DNAAF1: variants seen among roughly 807,000 people sequenced by gnomAD.
DNAAF1 encodes the protein dynein assembly factor 1, axonemal.
A neutral mutation model predicts 71.1 loss-of-function variants in DNAAF1; 65 were observed. The observed-to-expected ratio is 0.91, with a 90% CI of 0.75 to 1.12. The LOEUF (loss-of-function observed/expected upper bound fraction) is 1.12. Among genes scored for constraint, DNAAF1 ranks in the 50% most tolerant of loss-of-function variants. The pLI, the probability that DNAAF1 is intolerant of heterozygous loss-of-function variation, is 0.00. For synonymous variants in DNAAF1, 414 were observed against 354.6 expected (o/e 1.17, Z -1.88); for missense variants, 1,178 against 899.8 (o/e 1.31, Z -3.96).
chr16:84,163,201 A>G (rs953375380), intron 6 of DNAAF1, among the ~76,000 whole-genome samples: 4 of 152,108 alleles, frequency 2.6e-5, no homozygotes, highest in Admixed American at 2.6e-4. Flanking sequence ...TGTATCTAGG[A>G]GTGAAATTTC....
intron 3 of DNAAF1, among the ~76,000 whole-genome samples, chr16:84,152,037 G>A (rs2087209807): frequency 6.6e-6 from 1 of 152,242 alleles, no homozygotes; most frequent in Non-Finnish European, 1.5e-5. Context: ...AGCCTGAGGA[G>A]GAAGCTGGGA....
At chr16:84,161,894 T>C (rs1213896369) in intron 6 of DNAAF1, among the ~76,000 whole-genome samples, 3 of 152,158 alleles carry the variant, frequency 2.0e-5, no homozygotes, top group Admixed American at 6.6e-5. Context: ...GTTTAGGGTC[T>C]GTCTTCCCCG....
At chr16:84,157,565 T>G (rs1225542776) in intron 5 of DNAAF1, among the ~76,000 whole-genome samples, 2 of 151,928 alleles carry the variant, frequency 1.3e-5, no homozygotes, top group African/African-American at 4.8e-5. Flanking sequence ...CCCGTCAGGT[T>G]GCTTCCTATG....
intron 9 of DNAAF1, chr16:84,173,520 T>C: frequency 1.0e-6 from 1 of 983,416 alleles, no homozygotes; most frequent in Non-Finnish European, 1.2e-6. Context: ...GGGTTTCTAG[T>C]TTTCTGGAGC....
At chr16:84,167,650 G>C (rs2088095618) in intron 7 of DNAAF1, among the ~76,000 whole-genome samples, 1 of 152,180 alleles carries the variant, frequency 6.6e-6, no homozygotes, top group African/African-American at 2.4e-5. Context: ...TAGGAGCTCT[G>C]TTTCAGAGAT....
intron 6 of DNAAF1, 82 bp downstream of exon 6, chr16:84,159,878 T>C (rs1382716736): frequency 6.5e-7 from 1 of 1,530,760 alleles, no homozygotes; most frequent in Non-Finnish European, 8.9e-7. Context: ...AAATTTCTGA[T>C]TCTTGAGAAA....
chr16:84,177,426 T>C (rs1227384914), intron 11 of DNAAF1: 2 of 373,978 alleles, frequency 5.3e-6, no homozygotes, highest in East Asian at 1.3e-4. Context: ...CAGGCACCCG[T>C]CAAGGGATTT....
At chr16:84,151,952 C>CTG (rs2087206500) in intron 3 of DNAAF1, among the ~76,000 whole-genome samples, 1 of 152,202 alleles carries the variant, frequency 6.6e-6, no homozygotes, top group African/African-American at 2.4e-5. Context: ...CCATTGTATG[C>CTG]TGTTGGTGTC....
intron 3 of DNAAF1, 76 bp from the exon 4 acceptor site, chr16:84,154,501 G>C (rs2087320273): frequency 1.5e-5 from 20 of 1,312,378 alleles, no homozygotes; most frequent in Non-Finnish European, 2.2e-5. Context: ...CCTAATAGTA[G>C]GCAAAAACAA....
At position 84,147,794 on chromosome 16, in the gene DNAAF1, G is replaced by A. The variant is rs555135516; in HGVS notation, c.125-1213G>A. ...AATAAAAATAAATAAGGGTGGGCAC[G>A]GTGGCTCACGCCTGTAATCCCAGCA... On this transcript the variant is annotated intron_variant, in intron 1 of 11. Coordinates refer to ENST00000378553, the MANE Select transcript of DNAAF1 (RefSeq NM_178452.6). Among the ~76,000 whole-genome samples, 152 of 152,166 alleles carry A rather than the reference G, an allele frequency of 1.0e-3. 4 individuals carry two copies. The South Asian group carries it at 0.029, about 29-fold the overall frequency.
Position 84,166,057 on chromosome 16 carries a change from TTTTTTTTA to T in DNAAF1, c.1030+109_1030+116del, listed in dbSNP as rs2087967265. On this transcript the variant is annotated intron_variant, in intron 7 of 11. Transcript: ENST00000378553. ...TGGGAATTTTTTTTTTTTTTTTTTT[TTTTTTTTA>T]GACAGAGTCTTGCTCTGTCACTGAG... The T allele has an allele frequency of 1.5e-5, 13 of 863,348 alleles. No individual in the cohort carries two copies. The East Asian group carries it at 4.6e-4, about 30-fold the overall frequency. The allele number at this position is 863,348 out of a possible 1,614,324, so 53.5% of individuals were successfully genotyped here.
In DNAAF1 at chr16:84,145,565, G is replaced by C; in HGVS notation, c.124+1G>C. On this transcript the variant is annotated splice_donor_variant, in intron 1 of 11. Coordinates refer to ENST00000378553, the MANE Select transcript of DNAAF1 (RefSeq NM_178452.6). LOFTEE classifies it high-confidence loss of function. ...GCAGGCCGAGGGGGCTGCAAGGAAG[G>C]TGCCGACTGCCCCCCAGGGAGGGCG... The C allele has an allele frequency of 6.5e-7, 1 of 1,547,128 alleles. No individual in the cohort carries two copies. The highest frequency in any genetic ancestry group is 8.7e-7 in the Non-Finnish European group (1 of 1,146,564).
intron 7 of DNAAF1, 48 bp from the exon 8 acceptor site, chr16:84,169,810 TG>T (rs751904287): frequency 1.1e-5 from 18 of 1,611,830 alleles, no homozygotes; most frequent in Non-Finnish European, 1.4e-5. Context: ...CAAACACCCT[TG>T]TCCTCCCAGG....
chr16:84,168,389 G>A (rs1394839907), intron 7 of DNAAF1, among the ~76,000 whole-genome samples: 1 of 152,218 alleles, frequency 6.6e-6, no homozygotes, highest in Non-Finnish European at 1.5e-5. Context: ...CTTTGTCCGT[G>A]TAAGGTAACG....
Position 84,170,090 on chromosome 16 carries a change from T to G in DNAAF1, c.1262T>G (p.Leu421Arg), listed in dbSNP as rs749541341. 140 of 1,588,420 alleles carry G rather than the reference T, an allele frequency of 8.8e-5. 1 individual carries two copies. The highest frequency in any genetic ancestry group is 1.2e-4 in the Non-Finnish European group (139 of 1,166,274). Residue 421 changes from leucine (L) to arginine (R), a missense_variant, in exon 8 of 12, where the codon CTG (leucine) becomes CGG (arginine). Leu to Arg is a moderately radical substitution (Grantham distance 102, BLOSUM62 -2). Coordinates refer to ENST00000378553, the MANE Select transcript of DNAAF1 (RefSeq NM_178452.6). Reference sequence around the variant, plus strand: ...GAGGGGACCCTCCCAGCTGAGACCCTGCTACTGTCGTCACCTGTGGAGGTT... The same window carrying G: ...GAGGGGACCCTCCCAGCTGAGACCCGGCTACTGTCGTCACCTGTGGAGGTT... The part of the protein sequence containing the change: ...EPEGTLPAET[L>R]LLSSPVEVKG...
rs58421487 is a variant in DNAAF1 at position 84,159,608 on chromosome 16, C to T, written c.742-67C>T. ...ATTTTGTTCATTTATTCTTAGTGCA[C>T]AGCACATATAAAATAATTCAATCGC... On this transcript the variant is annotated intron_variant, in intron 5 of 11. Transcript: ENST00000378553. 1.9e-3 allele frequency: 2,970 copies of T among 1,546,700 alleles called. 96 individuals are homozygous for T. The East Asian group carries it at 0.065, about 34-fold the overall frequency.
intron 6 of DNAAF1, among the ~76,000 whole-genome samples, chr16:84,164,336 G>T (rs1440494795): frequency 6.6e-6 from 1 of 152,144 alleles, no homozygotes; most frequent in Non-Finnish European, 1.5e-5. Context: ...TCGGACAAAG[G>T]TATCATGTCC....
At chr16:84,149,669 C>T (rs1250978322) in intron 2 of DNAAF1, among the ~76,000 whole-genome samples, 5 of 126,490 alleles carry the variant, frequency 4.0e-5, no homozygotes, top group East Asian at 2.4e-4. Context: ...CCAGCCCGGG[C>T]GGCAGAGTGA....
At chr16:84,148,219 C>CA (rs1387424064) in intron 1 of DNAAF1, among the ~76,000 whole-genome samples, 1 of 152,114 alleles carries the variant, frequency 6.6e-6, no homozygotes, top group African/African-American at 2.4e-5. Flanking sequence ...TGCCCTGAAA[C>CA]AGTGTATAGT....
Sources: allele counts gnomAD v4.1 joint callset (sites outside exome capture counted in the v4.1 genomes callset), GRCh38; gene constraint gnomAD v4.1.1; transcripts MANE v1.5; gene names NCBI Gene and HGNC (gene_info 2026-07-23, HGNC 2026-07-21).